Variants in ACCSL observed in about 807,000 individuals in gnomAD.
ACCSL encodes probable inactive 1-aminocyclopropane-1-carboxylate synthase-like protein 2.
Under a neutral mutation model 61.7 loss-of-function variants are expected in ACCSL, and 55 were observed. That is an observed-to-expected ratio of 0.89 (90% CI 0.72 to 1.12). The LOEUF (loss-of-function observed/expected upper bound fraction) is 1.12, where lower values mean the gene tolerates loss of function less well. ACCSL is among the 50% of genes most tolerant of loss of function. ACCSL has a pLI of 0.00. For missense variants in ACCSL, 632 were observed against 698.0 expected, an observed-to-expected ratio of 0.91 and a Z score of 1.07; for synonymous variants, 258 against 264.3, an observed-to-expected ratio of 0.98 and a Z score of 0.23.
the ACCSL span, among the ~76,000 whole-genome samples, chr11:44,035,949 A>AG: frequency 6.6e-6 from 1 of 151,548 alleles, no homozygotes; most frequent in South Asian, 2.1e-4. Flanking sequence ...AAAAAAAAAA[A>AG]AAAAAAAAAA....
chr11:43,965,776 C>T, the ACCSL span, among the ~76,000 whole-genome samples: 3 of 152,108 alleles, frequency 2.0e-5, no homozygotes, highest in Admixed American at 6.5e-5. Context: ...AACAGAATTG[C>T]GAGTTCATAA....
the ACCSL span, chr11:43,925,502 G>C: frequency 1.1e-5 from 5 of 455,108 alleles, no homozygotes; most frequent in Non-Finnish European, 1.8e-5. Context: ...TCTAGTGCCA[G>C]CTGAGCTCTG....
At chr11:43,931,253 G>A in the ACCSL span, among the ~76,000 whole-genome samples, 2 of 152,230 alleles carry the variant, frequency 1.3e-5, no homozygotes, top group African/African-American at 4.8e-5. Flanking sequence ...TCATGAGTGG[G>A]GAGGGGCCTT....
chr11:44,056,937 G>A (rs1259418113), intron 11 of ACCSL, among the ~76,000 whole-genome samples: 3 of 152,206 alleles, frequency 2.0e-5, no homozygotes, highest in Non-Finnish European at 4.4e-5. Context: ...AAGTTGTGAA[G>A]GTAGGAACTT....
rs751488903 is a variant in ACCSL at position 44,051,671 on chromosome 11, T to C, written c.724T>C (p.Cys242Arg). 2 of 1,614,078 alleles carry C rather than the reference T, an allele frequency of 1.2e-6. No homozygotes were observed. Among genetic ancestry groups the C allele is most frequent in the African/African-American group, 2.7e-5 (2 of 74,930 alleles). ...DPENVVVLNG[C>R]CSVFCALAMV... ...TCTTCAGGTGGTGGTTCTAAATGGC[T>C]GCTGCTCTGTCTTCTGTGCCCTGGC... Residue 242 changes from cysteine to arginine, a missense_variant, in exon 5 of 14, where the codon TGC becomes CGC. Coordinates refer to ENST00000378832, the MANE Select transcript of ACCSL (RefSeq NM_001031854.2).
chr11:43,977,785 C>T, the ACCSL span, among the ~76,000 whole-genome samples: 1 of 152,312 alleles, frequency 6.6e-6, no homozygotes, highest in East Asian at 1.9e-4. Flanking sequence ...GTGGTGGAGT[C>T]ACACTGACCT....
At chr11:44,009,914 T>C in the ACCSL span, among the ~76,000 whole-genome samples, 11 of 152,232 alleles carry the variant, frequency 7.2e-5, no homozygotes, top group Non-Finnish European at 1.0e-4. Flanking sequence ...CTTCTTACTC[T>C]GCTTCTCCTG....
At chr11:43,987,623 TC>T in the ACCSL span, among the ~76,000 whole-genome samples, 2 of 151,662 alleles carry the variant, frequency 1.3e-5, no homozygotes, top group East Asian at 3.9e-4. Flanking sequence ...CCACAGCACC[TC>T]CCCCACTCCC....
the ACCSL span, among the ~76,000 whole-genome samples, chr11:43,926,254 G>A: frequency 2.6e-5 from 4 of 152,082 alleles, no homozygotes; most frequent in Admixed American, 6.5e-5. Flanking sequence ...CACTCTCGGC[G>A]GCCCCACCAC....
At chr11:43,960,844 G>A in the ACCSL span, among the ~76,000 whole-genome samples, 1 of 151,286 alleles carries the variant, frequency 6.6e-6, no homozygotes, top group South Asian at 2.1e-4. Context: ...TTGAGATGGA[G>A]GTTCGCTCTT....
upstream of ACCSL, among the ~76,000 whole-genome samples, chr11:44,045,332 C>T (rs1952591372): frequency 6.6e-6 from 1 of 151,926 alleles, no homozygotes; most frequent in South Asian, 2.1e-4. Flanking sequence ...CCCAGCTACT[C>T]AGGAGGCTGA....
At chr11:43,946,466 A>C in the ACCSL span, among the ~76,000 whole-genome samples, 23 of 152,292 alleles carry the variant, frequency 1.5e-4, no homozygotes, top group Non-Finnish European at 2.9e-4. Flanking sequence ...TTATAATACA[A>C]AACAAGTCAG....
the ACCSL span, among the ~76,000 whole-genome samples, chr11:44,020,151 G>A: frequency 3.9e-5 from 6 of 152,146 alleles, no homozygotes; most frequent in East Asian, 1.9e-4. Flanking sequence ...CTTGATTACT[G>A]TTGCTTTGTA....
chr11:43,951,893 C>A, the ACCSL span, among the ~76,000 whole-genome samples: 1 of 152,010 alleles, frequency 6.6e-6, no homozygotes, highest in Non-Finnish European at 1.5e-5. Flanking sequence ...CCCAGCTACT[C>A]GGGAGACTGA....
the ACCSL span, among the ~76,000 whole-genome samples, chr11:43,940,979 T>G: frequency 6.6e-6 from 1 of 152,272 alleles, no homozygotes; most frequent in Non-Finnish European, 1.5e-5. Flanking sequence ...CAAGTTTTCT[T>G]AGCTTCTCTG....
the ACCSL span, among the ~76,000 whole-genome samples, chr11:43,996,120 G>A: frequency 6.6e-6 from 1 of 152,172 alleles, no homozygotes; most frequent in Admixed American, 6.5e-5. Context: ...GAAAGGCCTG[G>A]GATAGTCCCC....
At chr11:44,031,344 G>T in the ACCSL span, among the ~76,000 whole-genome samples, 1 of 152,276 alleles carries the variant, frequency 6.6e-6, no homozygotes, top group Admixed American at 6.5e-5. Context: ...CCTGCACCTT[G>T]TTTTTCTTGT....
chr11:44,053,337 A>G, intron 7 of ACCSL, 69 bp from the exon 8 acceptor site: 5 of 1,510,986 alleles, frequency 3.3e-6, no homozygotes, highest in Non-Finnish European at 4.6e-6. Context: ...CCTATAAAAG[A>G]TCCTTGGCTG....
the ACCSL span, among the ~76,000 whole-genome samples, chr11:43,955,571 G>A: frequency 1.3e-5 from 2 of 152,222 alleles, no homozygotes; most frequent in East Asian, 3.9e-4. Flanking sequence ...TAGTTGGGTG[G>A]GCCACGGAGT....
Sources: allele counts gnomAD v4.1 joint callset (sites outside exome capture counted in the v4.1 genomes callset), GRCh38; gene constraint gnomAD v4.1.1; transcripts MANE v1.5; gene names NCBI Gene and HGNC (gene_info 2026-07-23, HGNC 2026-07-21).